Variants in RGS6 observed in about 807,000 individuals in gnomAD.
RGS6 encodes the protein regulator of G protein signaling 6, also known as regulator of G-protein signaling 6.
A neutral mutation model predicts 78.5 loss-of-function variants in RGS6; 30 were observed. The observed-to-expected ratio is 0.38, with a 90% CI of 0.29 to 0.52. The LOEUF is 0.52. Among genes scored for constraint, RGS6 ranks in the 20% least tolerant of loss-of-function variants. RGS6 has a pLI of 0.85. For synonymous variants in RGS6, 206 were observed against 206.0 expected (o/e 1.00, Z 0.00); for missense variants, 495 against 609.7 (o/e 0.81, Z 1.98).
At chr14:72,594,071 A>G in the RGS6 span, among the ~76,000 whole-genome samples, 1 of 152,188 alleles carries the variant, frequency 6.6e-6, no homozygotes, top group Non-Finnish European at 1.5e-5. Flanking sequence ...GCAAGCCCCA[A>G]AAGATAGTGT....
intron 8 of RGS6, among the ~76,000 whole-genome samples, chr14:72,472,376 A>G (rs1226351748): frequency 6.6e-6 from 1 of 152,188 alleles, no homozygotes; most frequent in African/African-American, 2.4e-5. Context: ...TAAGTGACTT[A>G]TAAAACACAT....
intron 2 of RGS6, among the ~76,000 whole-genome samples, chr14:72,145,778 C>G (rs949220345): frequency 1.3e-5 from 2 of 152,110 alleles, no homozygotes; most frequent in African/African-American, 4.8e-5. Flanking sequence ...CCACCACGCC[C>G]AGCCATGAAT....
the RGS6 span, among the ~76,000 whole-genome samples, chr14:72,604,288 G>C: frequency 2.6e-5 from 4 of 152,256 alleles, no homozygotes; most frequent in African/African-American, 7.2e-5. Context: ...AACGGAGGCG[G>C]GTTTGTTCAA....
chr14:72,059,483 A>C (rs2093783886), intron 2 of RGS6, among the ~76,000 whole-genome samples: 1 of 152,182 alleles, frequency 6.6e-6, no homozygotes. Context: ...GTATCCTGGC[A>C]CTTCAAACAG....
intron 13 of RGS6, among the ~76,000 whole-genome samples, chr14:72,504,658 C>T (rs574412329): frequency 3.0e-4 from 45 of 151,980 alleles, no homozygotes; most frequent in Non-Finnish European, 6.5e-4. Flanking sequence ...CTTTCTGAGC[C>T]CTCGCCAGAA....
chr14:72,467,057 C>G (rs912505158), intron 7 of RGS6, among the ~76,000 whole-genome samples: 7 of 152,098 alleles, frequency 4.6e-5, no homozygotes, highest in Admixed American at 1.3e-4. Flanking sequence ...GAGGCCCCAC[C>G]ACCAAACTTG....
chr14:72,195,943 G>C (rs2040008769), intron 2 of RGS6, among the ~76,000 whole-genome samples: 1 of 152,152 alleles, frequency 6.6e-6, no homozygotes, highest in African/African-American at 2.4e-5. Context: ...TAGGCAATGG[G>C]GATTTAGATA....
At chr14:72,217,362 A>T (rs773613595) in intron 2 of RGS6, among the ~76,000 whole-genome samples, 18 of 152,216 alleles carry the variant, frequency 1.2e-4, no homozygotes, top group Non-Finnish European at 1.0e-4. Context: ...CTGCCTGGAT[A>T]TTAAGATGAT....
intron 17 of RGS6, among the ~76,000 whole-genome samples, chr14:72,545,715 A>G (rs980667771): frequency 6.6e-6 from 1 of 152,152 alleles, no homozygotes. Flanking sequence ...AAGCCTGGAC[A>G]TGCACTGGCA....
At chr14:72,616,962 G>C in the RGS6 span, among the ~76,000 whole-genome samples, 1 of 152,124 alleles carries the variant, frequency 6.6e-6, no homozygotes, top group African/African-American at 2.4e-5. Flanking sequence ...AATGGGTTGG[G>C]CCCATTCTTC....
intron 2 of RGS6, among the ~76,000 whole-genome samples, chr14:72,335,556 C>T (rs891117566): frequency 1.3e-5 from 2 of 152,118 alleles, no homozygotes; most frequent in Non-Finnish European, 2.9e-5. Flanking sequence ...ATAGAAAGGG[C>T]CAGGGGCTGC....
the RGS6 span, among the ~76,000 whole-genome samples, chr14:71,873,557 G>T: frequency 6.6e-6 from 1 of 151,970 alleles, no homozygotes; most frequent in African/African-American, 2.4e-5. Flanking sequence ...TTGTCAGATG[G>T]GTAGATTGCA....
At chr14:72,030,456 A>G (rs1338602743) in intron 2 of RGS6, among the ~76,000 whole-genome samples, 2 of 152,236 alleles carry the variant, frequency 1.3e-5, no homozygotes, top group African/African-American at 4.8e-5. Flanking sequence ...GGCTGGTATC[A>G]GTGTTGATCA....
chr14:72,342,007 G>A (rs975375151), intron 2 of RGS6, among the ~76,000 whole-genome samples: 1 of 152,116 alleles, frequency 6.6e-6, no homozygotes, highest in African/African-American at 2.4e-5. Flanking sequence ...CCTCTCTGCC[G>A]CAGTAAGAGA....
chr14:72,486,065 A>G (rs1454998842), intron 12 of RGS6, among the ~76,000 whole-genome samples: 1 of 150,062 alleles, frequency 6.7e-6, no homozygotes, highest in Non-Finnish European at 1.5e-5. Flanking sequence ...TCATGATAGT[A>G]AGTTCTCATG....
intron 8 of RGS6, among the ~76,000 whole-genome samples, chr14:72,470,908 G>C (rs910857358): frequency 1.3e-5 from 2 of 151,504 alleles, no homozygotes; most frequent in Admixed American, 6.6e-5. Context: ...CAAGATTATA[G>C]GGCGTGACAC....
chr14:71,993,261 G>A (rs142624624), intron 2 of RGS6, among the ~76,000 whole-genome samples: 37 of 152,182 alleles, frequency 2.4e-4, no homozygotes, highest in African/African-American at 8.9e-4. Flanking sequence ...CTTTGCTGTG[G>A]CCATGGCAAC....
At chr14:71,877,678 C>T in the RGS6 span, among the ~76,000 whole-genome samples, 1 of 152,226 alleles carries the variant, frequency 6.6e-6, no homozygotes, top group Non-Finnish European at 1.5e-5. Context: ...GCCTTCTTCT[C>T]TCAACTCATC....
intron 3 of RGS6, among the ~76,000 whole-genome samples, chr14:72,422,735 G>A (rs183009355): frequency 2.6e-5 from 4 of 152,306 alleles, no homozygotes; most frequent in Non-Finnish European, 5.9e-5. Flanking sequence ...AGATGTGGGG[G>A]AATTTGCCAT....
Sources: gnomAD v4.1 joint callset for allele counts (sites outside exome capture counted in the v4.1 genomes callset) on GRCh38, gnomAD v4.1.1 for gene constraint, MANE v1.5 for transcripts, NCBI Gene and HGNC (gene_info 2026-07-23, HGNC 2026-07-21) for gene names.